SVEP1: variants seen among roughly 807,000 people sequenced by gnomAD.
SVEP1 encodes the protein sushi, von Willebrand factor type A, EGF and pentraxin domain-containing protein 1.
In SVEP1, 164 loss-of-function variants were observed where a neutral mutation model predicts 367.3. The observed-to-expected ratio is 0.45, with a 90% CI of 0.39 to 0.51. The LOEUF is 0.51. Among genes scored for constraint, SVEP1 ranks in the 20% least tolerant of loss-of-function variants. The probability of loss-of-function intolerance (pLI) is 0.00; values close to 1 mark genes in which losing one functional copy is unlikely to be tolerated. For synonymous variants in SVEP1, 1,666 were observed against 1,611.6 expected, an observed-to-expected ratio of 1.03 and a Z score of -0.81; for missense variants, 4,117 against 4,425.3, an observed-to-expected ratio of 0.93 and a Z score of 1.98.
At chr9:110,381,392 C>T (rs982800617) in intron 43 of SVEP1, among the ~76,000 whole-genome samples, 1 of 151,830 alleles carries the variant, frequency 6.6e-6, no homozygotes, top group Non-Finnish European at 1.5e-5. Flanking sequence ...CCCAGAGATT[C>T]TGGTACATTG....
At chr9:110,476,723 T>TTA (rs1829101089) in intron 13 of SVEP1, among the ~76,000 whole-genome samples, 1 of 152,146 alleles carries the variant, frequency 6.6e-6, no homozygotes, top group Non-Finnish European at 1.5e-5. Context: ...CCTCCTCTCT[T>TTA]TATGTTCTCT....
chr9:110,469,000 G>A lies in SVEP1; in HGVS notation c.3100C>T (p.Leu1034Phe), dbSNP rs769961445. 3 of 1,613,776 alleles carry A rather than the reference G, an allele frequency of 1.9e-6. No individual in the cohort carries two copies. Among genetic ancestry groups the A allele is most frequent in the South Asian group, 2.2e-5 (2 of 91,048 alleles). The change falls in exon 17 of 48, where the codon CTT becomes TTT. Residue 1034 changes from leucine to phenylalanine, a missense_variant. By Grantham distance (22) the Leu-to-Phe change is conservative. Transcript: ENST00000374469. ...TCCGTGTACATCCCAGAGGGGCAAAGCTTGCACTCAAGTTGCCCTTCTTCA... is the reference window on the plus strand; with the variant it reads ...TCCGTGTACATCCCAGAGGGGCAAAACTTGCACTCAAGTTGCCCTTCTTCA... ...QDEEGQLECK[L>F]CPSGMYTEYI...
Position 110,574,040 on chromosome 9 carries a change from C to T in SVEP1, c.531+4973G>A, listed in dbSNP as rs193013908. ...GTGAGTACCCACTCATATACTACCCCTCGAGTTGTCCAATTCTGACACCAA... is the reference window on the plus strand; with the variant it reads ...GTGAGTACCCACTCATATACTACCCTTCGAGTTGTCCAATTCTGACACCAA... On this transcript the variant is annotated intron_variant, in intron 1 of 47. Transcript: ENST00000374469. 1.4e-3 allele frequency among the ~76,000 whole-genome samples: 209 copies of T among 152,308 alleles called. 1 individual carries two copies. The highest frequency in any genetic ancestry group is 4.9e-3 in the African/African-American group (205 of 41,566).
intron 27 of SVEP1, among the ~76,000 whole-genome samples, chr9:110,439,755 A>C (rs1433317094): frequency 6.6e-6 from 1 of 152,080 alleles, no homozygotes; most frequent in African/African-American, 2.4e-5. Context: ...TAACCCAAGC[A>C]GACTAAGACA....
rs549097939 is a variant in SVEP1 at position 110,451,208 on chromosome 9, AAT to A, written c.3901+79_3901+80del. The A allele has an allele frequency of 2.9e-4, 318 of 1,110,058 alleles. 1 individual carries two copies. In the African/African-American group the frequency reaches 4.4e-3, roughly 16 times the overall value. 68.8% of individuals were successfully genotyped at this position (1,110,058 alleles called of 1,614,324 possible). ...GTAATAAAATCCAAAAATTCACATT[AAT>A]ATATATGTTAAGAAATGTACTAATT... On this transcript the variant is annotated intron_variant, in intron 23 of 47. Transcript: ENST00000374469.
Position 110,407,472 on chromosome 9 carries a change from G to C in SVEP1, c.8128C>G (p.Pro2710Ala), listed in dbSNP as rs750758384. The part of the protein sequence containing the change: ...QEDGTWNGSA[P>A]SCISIECDLP... The stretch of plus-strand genomic sequence containing the variant: ...TCACATTCAATTGAAATGCAGGATG[G>C]TGCACTGCCATTCCAAGTTCCATCT... The change falls in exon 38 of 48, where the codon CCA becomes GCA. Residue 2710 changes from proline (P) to alanine (A), a missense_variant. Coordinates refer to ENST00000374469, the MANE Select transcript of SVEP1 (RefSeq NM_153366.4). 12 of 1,613,864 alleles carry C rather than the reference G, an allele frequency of 7.4e-6. No homozygotes were observed. The African/African-American group carries it at 9.3e-5, about 13-fold the overall frequency.
intron 22 of SVEP1, among the ~76,000 whole-genome samples, chr9:110,453,884 TA>T (rs34249642): frequency 0.64 from 93,042 of 145,318 alleles, 29,759 homozygotes; most frequent in African/African-American, 0.73. Flanking sequence ...ATACAAAAAT[TA>T]AAAAAAAAAA....
At chr9:110,499,604 G>A (rs1026717057) in intron 6 of SVEP1, among the ~76,000 whole-genome samples, 1 of 152,190 alleles carries the variant, frequency 6.6e-6, no homozygotes, top group Non-Finnish European at 1.5e-5. Flanking sequence ...TGGATTAAGT[G>A]ATATATTCAG....
intron 1 of SVEP1, among the ~76,000 whole-genome samples, chr9:110,571,917 T>A (rs1830567744): frequency 6.6e-6 from 1 of 152,188 alleles, no homozygotes. Flanking sequence ...AAATGTGTGA[T>A]TAAATTATAC....
intron 14 of SVEP1, 138 bp from the exon 15 acceptor site, chr9:110,472,461 G>T (rs1829035760): frequency 2.8e-6 from 2 of 719,414 alleles, no homozygotes; most frequent in Non-Finnish European, 4.2e-6. Flanking sequence ...ACAGGGTTTG[G>T]TCTACAATGT....
intron 24 of SVEP1, among the ~76,000 whole-genome samples, chr9:110,448,928 T>C (rs1005315980): frequency 3.3e-5 from 5 of 152,190 alleles, no homozygotes; most frequent in Admixed American, 6.5e-5. Context: ...GGGAGGATGG[T>C]AATGGAAGGG....
intron 5 of SVEP1, among the ~76,000 whole-genome samples, chr9:110,506,185 A>G (rs1829624233): frequency 1.3e-5 from 2 of 152,140 alleles, no homozygotes; most frequent in Non-Finnish European, 2.9e-5. Flanking sequence ...TTCATGGTGC[A>G]TATGTGCCAC....
chr9:110,577,047 A>G (rs925201102), intron 1 of SVEP1, among the ~76,000 whole-genome samples: 1 of 152,100 alleles, frequency 6.6e-6, no homozygotes, highest in African/African-American at 2.4e-5. Flanking sequence ...GAAATGGAAG[A>G]ATTATTACTA....
intron 35 of SVEP1, among the ~76,000 whole-genome samples, chr9:110,427,988 G>A (rs1054663223): frequency 6.6e-6 from 1 of 152,152 alleles, no homozygotes; most frequent in Non-Finnish European, 1.5e-5. Context: ...TAATCACTTG[G>A]TGCATAGTAA....
chr9:110,379,228 G>A, intron 44 of SVEP1, 119 bp downstream of exon 44: 2 of 1,158,274 alleles, frequency 1.7e-6, no homozygotes, highest in Non-Finnish European at 2.4e-6. Flanking sequence ...GCTGCTAAAA[G>A]AAATTTTAAA....
chr9:110,528,156 G>GTATATATATATATATATA (rs59360366), intron 3 of SVEP1, among the ~76,000 whole-genome samples: 10 of 33,940 alleles, frequency 2.9e-4, no homozygotes, highest in African/African-American at 5.3e-4. Flanking sequence ...GTGTGTGTGT[G>GTATATATATATATATATA]TATATATATA....
At position 110,503,172 on chromosome 9, in the gene SVEP1, C is replaced by T; in HGVS notation, c.1349G>A (p.Ser450Asn). The T allele has an allele frequency of 6.2e-7, 1 of 1,613,818 alleles. No individual in the cohort carries two copies. The highest frequency in any genetic ancestry group is 8.5e-7 in the Non-Finnish European group (1 of 1,179,828). ...ATATAACATTTCCCTTGTAGAACAG[C>T]TGATGTGGCCATGTTTCGGCTGGCG... The part of the protein sequence containing the change: ...HLRQPKHGHI[S>N]CSTREMLYKT... Residue 450 changes from serine to asparagine, a missense_variant, in exon 6 of 48, where the codon AGC (serine) becomes AAC (asparagine). Transcript: ENST00000374469.
chr9:110,545,662 GAGGAC>G (rs1830211107), intron 3 of SVEP1, among the ~76,000 whole-genome samples: 5 of 152,116 alleles, frequency 3.3e-5, no homozygotes, highest in Admixed American at 2.0e-4. Context: ...TACATGCCTA[GAGGAC>G]AGATTTGGCT....
At chr9:110,484,603 T>G (rs1829248351) in intron 9 of SVEP1, among the ~76,000 whole-genome samples, 1 of 152,166 alleles carries the variant, frequency 6.6e-6, no homozygotes, top group Admixed American at 6.5e-5. Flanking sequence ...GGGATCTAAT[T>G]AAACTAAACA....
Sources: gnomAD v4.1 joint callset for allele counts (sites outside exome capture counted in the v4.1 genomes callset) on GRCh38, gnomAD v4.1.1 for gene constraint, MANE v1.5 for transcripts, NCBI Gene and HGNC (gene_info 2026-07-23, HGNC 2026-07-21) for gene names.